The following FUS variants were observed in gnomAD, a reference collection of about 807,000 sequenced individuals.
FUS encodes FUS RNA binding protein.
In FUS, 5 loss-of-function variants were observed where a neutral mutation model predicts 82.7. That is an observed-to-expected ratio of 0.06 (90% confidence interval 0.03 to 0.13). FUS has a LOEUF of 0.13. FUS is among the 10% of genes least tolerant of loss of function. The pLI is 1.00. For missense variants in FUS, 512 were observed against 707.8 expected (o/e 0.72, Z 3.14); for synonymous variants, 281 against 247.4 (o/e 1.14, Z -1.27).
intron 3 of FUS, chr16:31,183,491 T>G: frequency 3.7e-6 from 1 of 273,966 alleles, no homozygotes. Flanking sequence ...CATAAGGAGG[T>G]GGGATTTGCC....
chr16:31,193,887 C>A (rs1328763548), downstream of FUS: 1 of 527,996 alleles, frequency 1.9e-6, no homozygotes, highest in Non-Finnish European at 3.7e-6. Flanking sequence ...CCTCAAGTGA[C>A]CTGCCTGCCT....
At chr16:31,194,255 C>T (rs953437877), downstream of FUS, 14 of 531,022 alleles carry the variant, frequency 2.6e-5, no homozygotes, top group African/African-American at 2.4e-4. Context: ...CACTGATCTA[C>T]CTTTAGGCAT....
intron 13 of FUS, 36 bp from the exon 14 acceptor site, chr16:31,190,927 A>G: frequency 6.2e-7 from 1 of 1,612,106 alleles, no homozygotes; most frequent in Non-Finnish European, 8.5e-7. Flanking sequence ...ACATAGGGGA[A>G]TGGGAATATG....
downstream of FUS, chr16:31,192,069 T>G (rs1278267999): frequency 3.8e-6 from 2 of 532,738 alleles, no homozygotes; most frequent in South Asian, 1.5e-5. Flanking sequence ...TGCAGGAGTT[T>G]GTGGAGTGGA....
intron 7 of FUS, chr16:31,188,045 A>C: frequency 1.9e-6 from 1 of 528,544 alleles, no homozygotes. Flanking sequence ...TGCTGAGGAC[A>C]TTTCCCAGCC....
chr16:31,194,031 T>C (rs2079392825), downstream of FUS: 1 of 533,892 alleles, frequency 1.9e-6, no homozygotes, highest in Non-Finnish European at 3.6e-6. Flanking sequence ...TGGGACAGGC[T>C]AAGTAGGAAG....
downstream of FUS, chr16:31,194,750 CTT>C (rs2079402243): frequency 2.1e-6 from 1 of 483,750 alleles, no homozygotes; most frequent in African/African-American, 2.0e-5. Context: ...CAAAGCCACT[CTT>C]AGAAAATTTT....
chr16:31,186,568 C>G (rs541694663), intron 6 of FUS: 2 of 579,672 alleles, frequency 3.5e-6, no homozygotes, highest in African/African-American at 3.7e-5. Context: ...AAATAGATAA[C>G]GTAACCTTTT....
In FUS at chr16:31,180,193, GC is replaced by G. The variant is rs1567467383; in HGVS notation, c.-20del. 1 of 1,610,512 alleles carries G rather than the reference GC, an allele frequency of 6.2e-7. No homozygotes were observed. Among genetic ancestry groups the G allele is most frequent in the Admixed American group, 1.7e-5 (1 of 59,486 alleles). ...GGTGTTGGAACTTCGTTGCTTGCTTGCCTGTGCGCGCGTGCGCGGACATGGC... is the reference window on the plus strand; with the variant it reads ...GGTGTTGGAACTTCGTTGCTTGCTTGCTGTGCGCGCGTGCGCGGACATGGC... On this transcript the variant is annotated 5_prime_UTR_variant, in exon 1 of 15. Transcript: ENST00000254108.
At chr16:31,194,184 CAGT>C (rs1279263094), downstream of FUS, 5 of 529,968 alleles carry the variant, frequency 9.4e-6, no homozygotes, top group Non-Finnish European at 1.5e-5. Flanking sequence ...GCAGTTATGT[CAGT>C]GGTGGGTAGA....
In FUS at chr16:31,187,865, A is replaced by G. The variant is rs1596904200; in HGVS notation, c.800-460A>G. 3 of 247,554 alleles carry G rather than the reference A, an allele frequency of 1.2e-5. No homozygotes were observed. The East Asian group carries it at 1.8e-4, about 14-fold the overall frequency. 15.3% of individuals were successfully genotyped at this position (247,554 alleles called of 1,614,324 possible). A position where few individuals can be genotyped will look rare whatever the true frequency, so the allele number is the denominator to read the frequency against. On this transcript the variant is annotated intron_variant, in intron 7 of 14. Coordinates refer to ENST00000254108, the MANE Select transcript of FUS (RefSeq NM_004960.4). ...AAGGATGGTTTCTAAAGATGAAATTAAAAATTGTTCCACAAGGGTTAAGTG... is the reference window on the plus strand; with the variant it reads ...AAGGATGGTTTCTAAAGATGAAATTGAAAATTGTTCCACAAGGGTTAAGTG...
rs966308667 is a variant in FUS, at chr16:31,186,950, A to G, written c.799+114A>G. ...ATGTCAAAGGTTTTGAGGTGTCCAGAACCACCTCCAGAAAGGGGTAGGGTA... is the reference window on the plus strand; with the variant it reads ...ATGTCAAAGGTTTTGAGGTGTCCAGGACCACCTCCAGAAAGGGGTAGGGTA... On this transcript the variant is annotated intron_variant, in intron 7 of 14. Transcript: ENST00000254108. The G allele has an allele frequency of 5.8e-6, 6 of 1,026,396 alleles. No individual in the cohort carries two copies. In the African/African-American group the frequency reaches 7.8e-5, roughly 13 times the overall value. 63.6% of individuals were successfully genotyped at this position (1,026,396 alleles called of 1,614,324 possible).
At chr16:31,192,364 T>G (rs886051943), downstream of FUS, 1 of 525,456 alleles carries the variant, frequency 1.9e-6, no homozygotes, top group Admixed American at 2.2e-5. Flanking sequence ...ACCATGTGGT[T>G]GTAAACTTGC....
At position 31,189,157 on chromosome 16, in the gene FUS, G is replaced by T. The variant is rs1373381249; in HGVS notation, c.867G>T (p.Val289=). The T allele has an allele frequency of 6.2e-7, 1 of 1,613,982 alleles. No individual in the cohort carries two copies. Reference sequence around the variant, plus strand: ...ATTCAGACAACAACACCATCTTTGTGCAAGGCCTGGGTGAGAATGTTACAA... The same window carrying T: ...ATTCAGACAACAACACCATCTTTGTTCAAGGCCTGGGTGAGAATGTTACAA... ...QDNSDNNTIF[V]QGLGENVTIE... Residue 289 remains valine, a synonymous_variant, in exon 9 of 15, where the codon GTG becomes GTT. Transcript: ENST00000254108.
chr16:31,191,741 C>G (rs187266535), downstream of FUS: 2 of 638,884 alleles, frequency 3.1e-6, no homozygotes, highest in Non-Finnish European at 5.8e-6. Flanking sequence ...CAAATGATAT[C>G]CTTGAGAGCA....
chr16:31,190,521 T>A lies in FUS; in HGVS notation c.1292+123T>A. The A allele has an allele frequency of 4.7e-6, 7 of 1,485,780 alleles. No individual in the cohort carries two copies. In the South Asian group the frequency reaches 8.0e-5, roughly 17 times the overall value. The allele number at this position is 1,485,780 out of a possible 1,614,324, so 92.0% of individuals were successfully genotyped here. On this transcript the variant is annotated intron_variant, in intron 12 of 14. Transcript: ENST00000254108. ...CAAGGCCACACTGTTGGGGTCAGATTTAGCCAAAAGCTTACCTAGGTAAGG... is the reference window on the plus strand; with the variant it reads ...CAAGGCCACACTGTTGGGGTCAGATATAGCCAAAAGCTTACCTAGGTAAGG...
At chr16:31,188,896 C>T (rs1344035365) in intron 8 of FUS, 2 of 571,838 alleles carry the variant, frequency 3.5e-6, no homozygotes, top group Non-Finnish European at 6.2e-6. Context: ...GGTTTCCATA[C>T]TGTATACTGG....
chr16:31,194,672 A>G (rs1261813446), downstream of FUS: 1 of 487,624 alleles, frequency 2.1e-6, no homozygotes, highest in African/African-American at 2.0e-5. Flanking sequence ...CTGTACATGT[A>G]CACATTGTGG....
rs2079317694 is a variant in FUS at position 31,189,352 on chromosome 16, T to C, written c.936+126T>C. Reference sequence around the variant, plus strand: ...CAAGTCTTAGTGGTTGTTGCCAGCTTAATTTGTTGAGGAAAGAGCCTTAGT... The same window carrying C: ...CAAGTCTTAGTGGTTGTTGCCAGCTCAATTTGTTGAGGAAAGAGCCTTAGT... On this transcript the variant is annotated intron_variant, in intron 9 of 14. Coordinates refer to ENST00000254108, the MANE Select transcript of FUS (RefSeq NM_004960.4). 10 of 858,628 alleles carry C rather than the reference T, an allele frequency of 1.2e-5. No homozygotes were observed. The Admixed American group carries it at 1.6e-4, about 14-fold the overall frequency. 53.2% of individuals were successfully genotyped at this position (858,628 alleles called of 1,614,324 possible).
Sources: gnomAD v4.1 joint callset for allele counts on GRCh38, gnomAD v4.1.1 for gene constraint, MANE v1.5 for transcripts, NCBI Gene and HGNC (gene_info 2026-07-23, HGNC 2026-07-21) for gene names.